The following CASK variants were observed in gnomAD, a reference collection of about 807,000 sequenced individuals.
CASK encodes peripheral plasma membrane protein CASK.
Under a neutral mutation model 82.9 loss-of-function variants are expected in CASK, and 4 were observed. That is an observed-to-expected ratio of 0.05 (90% CI 0.02 to 0.11). CASK has a LOEUF of 0.11. CASK is among the 10% of genes least tolerant of loss of function. CASK has a pLI of 1.00. For missense variants in CASK, 358 were observed against 720.9 expected, an observed-to-expected ratio of 0.50 and a Z score of 5.76; for synonymous variants, 259 against 253.5, an observed-to-expected ratio of 1.02 and a Z score of -0.20.
chrX:41,679,318 T>C (rs1170730208), intron 5 of CASK, among the ~76,000 whole-genome samples: 2 of 111,315 alleles, frequency 1.8e-5, no homozygotes, highest in Admixed American at 9.6e-5. Flanking sequence ...GATATTTTTT[T>C]CACCATAGGT....
At chrX:41,524,624 T>C (rs1200066603) in intron 25 of CASK, 1 of 119,140 alleles carries the variant, frequency 8.4e-6, no homozygotes, top group Non-Finnish European at 1.7e-5. Context: ...TGTGTGGCTG[T>C]GGGCAATGTA....
intron 8 of CASK, among the ~76,000 whole-genome samples, chrX:41,650,579 T>C (rs2066849916): frequency 9.3e-6 from 1 of 107,154 alleles, no homozygotes; most frequent in Admixed American, 1.0e-4. Context: ...TTTTGCTCTG[T>C]CTCCCAGGTT....
intron 14 of CASK, chrX:41,584,121 G>C (rs939088978): frequency 8.9e-6 from 1 of 112,371 alleles, no homozygotes; most frequent in African/African-American, 3.2e-5. Flanking sequence ...ATCTGCAAAC[G>C]GGCAGGTTCC....
At chrX:41,794,629 G>A (rs771760751) in intron 2 of CASK, among the ~76,000 whole-genome samples, 1 of 112,019 alleles carries the variant, frequency 8.9e-6, no homozygotes, top group Admixed American at 9.5e-5. Flanking sequence ...AATCATACAT[G>A]TTAGAGCCCG....
chrX:41,614,593 C>T (rs769438738), intron 11 of CASK, among the ~76,000 whole-genome samples: 82 of 108,480 alleles, frequency 7.6e-4, no homozygotes, highest in Non-Finnish European at 1.4e-3. Flanking sequence ...ATGATCTTGG[C>T]TCACTGTAAC....
At chrX:41,563,075 A>G (rs2147159831) in intron 16 of CASK, among the ~76,000 whole-genome samples, 1 of 105,252 alleles carries the variant, frequency 9.5e-6, no homozygotes, top group Non-Finnish European at 1.9e-5. Flanking sequence ...AGAAAAGAAA[A>G]GAAGGCTGGG....
At position 41,524,044 on chromosome X, in the gene CASK, G is replaced by T. The variant is rs200525472; in HGVS notation, c.2521-10C>A. On this transcript the variant is annotated splice_polypyrimidine_tract_variant and intron_variant, in intron 25 of 26. Coordinates refer to ENST00000378163, the MANE Select transcript of CASK (RefSeq NM_001367721.1). The stretch of plus-strand genomic sequence containing the variant: ...TCAGGACCTTCAGTGCCTGTGTTAA[G>T]AAAAAAAAAAAAAATCCCGACTTAA... 4.4e-6 allele frequency: 4 copies of T among 904,074 alleles called. No individual in the cohort carries two copies. Among genetic ancestry groups the T allele is most frequent in the Non-Finnish European group, 6.0e-6 (4 of 662,055 alleles). The allele number at this position is 904,074 out of a possible 1,213,427, so 74.5% of individuals were successfully genotyped here.
intron 11 of CASK, among the ~76,000 whole-genome samples, chrX:41,615,641 C>CT (rs2066182176): frequency 2.8e-5 from 3 of 105,752 alleles, no homozygotes; most frequent in Non-Finnish European, 2.0e-5. Flanking sequence ...TTTTTTTTTT[C>CT]TTTTTTTTTG....
chrX:41,578,331 C>A lies in CASK; in HGVS notation c.1503+9G>T. ...ATGAGAGTATTGAAAACTTTCTCTT[C>A]CTACTTACCATTGGTTCATCTGTGT... On this transcript the variant is annotated intron_variant, in intron 15 of 26. Transcript: ENST00000378163. 1 of 1,187,837 alleles carries A rather than the reference C, an allele frequency of 8.4e-7. No individual in the cohort carries two copies. Among genetic ancestry groups the A allele is most frequent in the South Asian group, 1.8e-5 (1 of 56,202 alleles).
intron 3 of CASK, among the ~76,000 whole-genome samples, chrX:41,785,765 C>T (rs2069585019): frequency 8.9e-6 from 1 of 112,059 alleles, no homozygotes; most frequent in African/African-American, 3.2e-5. Context: ...AAATGCCTCC[C>T]AGTGATCCTC....
intron 14 of CASK, chrX:41,586,541 C>A: frequency 7.6e-6 from 1 of 131,589 alleles, no homozygotes; most frequent in East Asian, 2.1e-4. Flanking sequence ...GTAATTCTTC[C>A]AATATATCAC....
At chrX:41,619,752 T>C (rs1248588373) in intron 11 of CASK, among the ~76,000 whole-genome samples, 1 of 112,013 alleles carries the variant, frequency 8.9e-6, no homozygotes, top group Non-Finnish European at 1.9e-5. Context: ...TAAAGTAGGC[T>C]GAGTATGTCT....
At chrX:41,643,052 G>A (rs1391252046) in intron 8 of CASK, among the ~76,000 whole-genome samples, 1 of 111,607 alleles carries the variant, frequency 9.0e-6, no homozygotes, top group Non-Finnish European at 1.9e-5. Flanking sequence ...AAGATCAGAT[G>A]GTTGTAGTTG....
At chrX:41,575,915 A>G (rs1602288225) in intron 15 of CASK, among the ~76,000 whole-genome samples, 1 of 111,115 alleles carries the variant, frequency 9.0e-6, no homozygotes, top group East Asian at 2.8e-4. Context: ...TTTCTGAAAA[A>G]GTAACTCAGG....
intron 21 of CASK, among the ~76,000 whole-genome samples, chrX:41,550,931 C>G (rs1340879248): frequency 1.8e-5 from 2 of 110,747 alleles, no homozygotes; most frequent in Non-Finnish European, 3.8e-5. Context: ...GAACCAACTT[C>G]GTAAGCTTAT....
chrX:41,668,749 T>C (rs1273185863), intron 6 of CASK, among the ~76,000 whole-genome samples: 1 of 108,368 alleles, frequency 9.2e-6, no homozygotes, highest in African/African-American at 3.3e-5. Flanking sequence ...ATTTCTTTCT[T>C]TTTTTTTTTG....
chrX:41,614,635 C>T (rs1458730614), intron 11 of CASK, among the ~76,000 whole-genome samples: 1 of 110,182 alleles, frequency 9.1e-6, no homozygotes, highest in African/African-American at 3.3e-5. Flanking sequence ...GATTCTCCTG[C>T]CTCAGCATCC....
At chrX:41,699,640 T>C (rs753319765) in intron 5 of CASK, among the ~76,000 whole-genome samples, 21 of 111,108 alleles carry the variant, frequency 1.9e-4, no homozygotes, top group African/African-American at 6.8e-4. Context: ...CTCATTATAC[T>C]AGATGATTAC....
chrX:41,611,743 T>C (rs1178152706), intron 11 of CASK, among the ~76,000 whole-genome samples: 5 of 104,471 alleles, frequency 4.8e-5, no homozygotes, highest in Non-Finnish European at 9.8e-5. Context: ...CTCCCTCTGA[T>C]GCCGAGCCGA....
Sources: allele counts gnomAD v4.1 joint callset (sites outside exome capture counted in the v4.1 genomes callset), GRCh38; gene constraint gnomAD v4.1.1; transcripts MANE v1.5; gene names NCBI Gene and HGNC (gene_info 2026-07-23, HGNC 2026-07-21).